The following ZFHX3 variants were observed in gnomAD, a reference collection of about 807,000 sequenced individuals.
The protein encoded by ZFHX3 is zinc finger homeobox protein 3.
ZFHX3 carries 42 observed loss-of-function variants against 279.1 expected under a neutral mutation model. The observed-to-expected ratio is 0.15, with a 90% CI of 0.12 to 0.19. The LOEUF (loss-of-function observed/expected upper bound fraction) is 0.19. Ranked by LOEUF, ZFHX3 falls within the 10% of genes least tolerant of loss-of-function variation. ZFHX3 has a pLI of 1.00. For missense variants in ZFHX3, 4,981 were observed against 4,754.0 expected (o/e 1.05, Z -1.40); for synonymous variants, 2,293 against 1,957.8 (o/e 1.17, Z -4.52).
chr16:73,669,816 T>C (rs1014011074), intron 2 of ZFHX3, among the ~76,000 whole-genome samples: 2 of 152,214 alleles, frequency 1.3e-5, no homozygotes, highest in Non-Finnish European at 1.5e-5. Flanking sequence ...AATGTCCTAG[T>C]CAAACCCCAA....
intron 3 of ZFHX3, among the ~76,000 whole-genome samples, chr16:72,948,395 G>T (rs533645812): frequency 7.9e-5 from 12 of 152,110 alleles, no homozygotes; most frequent in South Asian, 2.1e-4. Context: ...CTTAAAAAAA[G>T]AAATGAGAAA....
chr16:73,600,428 T>TC, intron 2 of ZFHX3, among the ~76,000 whole-genome samples: 1 of 150,874 alleles, frequency 6.6e-6, no homozygotes, highest in East Asian at 2.0e-4. Context: ...CTTTTTTTTT[T>TC]TTTTTTTGAG....
At chr16:72,812,517 T>C (rs753968585) in intron 5 of ZFHX3, among the ~76,000 whole-genome samples, 13 of 152,310 alleles carry the variant, frequency 8.5e-5, no homozygotes, top group Non-Finnish European at 1.3e-4. Context: ...TGGCACAGCA[T>C]TGGCAACATG....
intron 1 of ZFHX3, among the ~76,000 whole-genome samples, chr16:73,738,182 T>A (rs897203916): frequency 1.8e-4 from 27 of 152,222 alleles, no homozygotes; most frequent in African/African-American, 6.5e-4. Context: ...GCAGTTCAAA[T>A]GGAAAACAAG....
intron 2 of ZFHX3, among the ~76,000 whole-genome samples, chr16:73,505,304 A>G (rs1015435487): frequency 6.6e-6 from 1 of 152,206 alleles, no homozygotes; most frequent in African/African-American, 2.4e-5. Flanking sequence ...ACAAATAATA[A>G]TAACAAAATG....
intron 1 of ZFHX3, among the ~76,000 whole-genome samples, chr16:73,709,720 C>G (rs1428624865): frequency 6.6e-6 from 1 of 151,936 alleles, no homozygotes; most frequent in East Asian, 1.9e-4. Context: ...TGACTATAGA[C>G]AGTAACAATG....
intron 3 of ZFHX3, among the ~76,000 whole-genome samples, chr16:72,945,558 G>A (rs982884381): frequency 1.3e-5 from 2 of 152,126 alleles, no homozygotes; most frequent in African/African-American, 4.8e-5. Flanking sequence ...AAAACATCTG[G>A]CCTTGCACAC....
intron 3 of ZFHX3, among the ~76,000 whole-genome samples, chr16:72,912,294 G>A (rs989870306): frequency 2.0e-5 from 3 of 152,184 alleles, no homozygotes; most frequent in Admixed American, 6.5e-5. Flanking sequence ...TTAGTAAACA[G>A]CAAGTTAATT....
chr16:73,007,434 C>T (rs1458797936), intron 1 of ZFHX3, among the ~76,000 whole-genome samples: 2 of 152,166 alleles, frequency 1.3e-5, no homozygotes, highest in Non-Finnish European at 2.9e-5. Flanking sequence ...CCAGAGCCCT[C>T]CTCATAACTG....
At chr16:73,059,524 T>TTCCCTCTCTC (rs1965652253) in exon 1 of ZFHX3, 1 of 103,252 alleles carries the variant, frequency 9.7e-6, no homozygotes, top group African/African-American at 3.7e-5. Flanking sequence ...ATTTTCCCCT[T>TTCCCTCTCTC]TCTCTCTCTC....
At chr16:73,236,119 A>G (rs1038385483) in intron 5 of ZFHX3, among the ~76,000 whole-genome samples, 1 of 152,334 alleles carries the variant, frequency 6.6e-6, no homozygotes, top group South Asian at 2.1e-4. Context: ...ATTTTGTATT[A>G]TTTAAAAATA....
chr16:72,831,514 C>T (rs1453559063), intron 4 of ZFHX3, among the ~76,000 whole-genome samples: 2 of 152,192 alleles, frequency 1.3e-5, no homozygotes, highest in East Asian at 3.9e-4. Flanking sequence ...GCAACCACAG[C>T]TTGAAGTCAA....
intron 1 of ZFHX3, among the ~76,000 whole-genome samples, chr16:73,046,851 T>C (rs1965319549): frequency 6.9e-6 from 1 of 145,368 alleles, no homozygotes; most frequent in South Asian, 2.2e-4. Flanking sequence ...TGGGGTTTTC[T>C]GTCAGTGGCT....
chr16:73,716,286 T>G (rs1269018752), intron 1 of ZFHX3, among the ~76,000 whole-genome samples: 2 of 152,076 alleles, frequency 1.3e-5, no homozygotes, highest in Non-Finnish European at 2.9e-5. Flanking sequence ...ATCACTAAAA[T>G]GAGAGATTTG....
intron 1 of ZFHX3, among the ~76,000 whole-genome samples, chr16:73,727,601 G>A (rs1165943251): frequency 1.3e-5 from 2 of 152,256 alleles, no homozygotes; most frequent in East Asian, 1.9e-4. Flanking sequence ...GCAAGTATAC[G>A]GGACTCATTA....
At position 73,705,612 on chromosome 16, in the gene ZFHX3, G is replaced by C. The variant is rs116183060; in HGVS notation, c.-1607-25372C>G. Among the ~76,000 whole-genome samples the C allele has an allele frequency of 3.4e-3, 524 of 152,240 alleles. 3 individuals are homozygous for C. The highest frequency in any genetic ancestry group is 0.012 in the African/African-American group (496 of 41,536). On this transcript the variant is annotated intron_variant, in intron 1 of 17. Transcript: ENST00000641206. ...CCTGGAGCAACTGAGTCCTTAGCTA[G>C]ACATGCATTTCCTCCACGTTTATTA...
chr16:73,266,815 T>C (rs557591573), intron 4 of ZFHX3, among the ~76,000 whole-genome samples: 1 of 152,376 alleles, frequency 6.6e-6, no homozygotes, highest in East Asian at 1.9e-4. Context: ...TTCTGCCACA[T>C]AAGATAGGGC....
intron 1 of ZFHX3, among the ~76,000 whole-genome samples, chr16:73,813,012 C>T (rs1960466643): frequency 6.6e-6 from 1 of 152,228 alleles, no homozygotes; most frequent in Non-Finnish European, 1.5e-5. Context: ...ATTACTCCTA[C>T]TGTGAAAACT....
intron 4 of ZFHX3, among the ~76,000 whole-genome samples, chr16:72,889,058 TGGAG>T (rs370620894): frequency 7.4e-6 from 1 of 135,548 alleles, no homozygotes; most frequent in South Asian, 2.5e-4. Flanking sequence ...GAGTCATGGG[TGGAG>T]GGAGGGAGGG....
Sources: allele counts gnomAD v4.1 joint callset (sites outside exome capture counted in the v4.1 genomes callset), GRCh38; gene constraint gnomAD v4.1.1; transcripts MANE v1.5; gene names NCBI Gene and HGNC (gene_info 2026-07-23, HGNC 2026-07-21).